GM2A: variants seen among roughly 807,000 people sequenced by gnomAD.
The protein encoded by GM2A is ganglioside GM2 activator.
Under a neutral mutation model 12.9 loss-of-function variants are expected in GM2A, and 7 were observed. The observed-to-expected ratio is 0.54, with a 90% CI of 0.31 to 1.02. GM2A has a LOEUF of 1.02. GM2A is among the 50% of genes least tolerant of loss of function. The pLI is 0.05. For missense variants in GM2A, 246 were observed against 241.0 expected (o/e 1.02, Z -0.14); for synonymous variants, 101 against 96.0 (o/e 1.05, Z -0.30).
intron 1 of GM2A, among the ~76,000 whole-genome samples, chr5:151,259,128 C>A (rs1363248071): frequency 6.6e-6 from 1 of 152,110 alleles, no homozygotes. Flanking sequence ...GGGAAGAAGA[C>A]ACTGGTTAGG....
At position 151,268,825 on chromosome 5, in the gene GM2A, G is replaced by A. The variant is rs954037942; in HGVS notation, c.*1374G>A. On this transcript the variant is annotated 3_prime_UTR_variant, in exon 4 of 4. Coordinates refer to ENST00000357164, the MANE Select transcript of GM2A (RefSeq NM_000405.5). ...TGTGTCCCAAACGGACTGGCTCATG[G>A]GTGGCCACGTCACAACCTCTGATCT... The A allele has an allele frequency of 9.2e-6, 9 of 978,684 alleles. No homozygotes were observed. The highest frequency in any genetic ancestry group is 9.7e-6 in the Non-Finnish European group (8 of 823,878). 60.6% of individuals were successfully genotyped at this position (978,684 alleles called of 1,614,324 possible).
intron 3 of GM2A, 191 bp downstream of exon 3, chr5:151,267,104 A>G: frequency 2.3e-6 from 2 of 856,398 alleles, no homozygotes; most frequent in Non-Finnish European, 1.9e-6. Flanking sequence ...TTGAACTTAG[A>G]TGTGATCTTC....
intron 2 of GM2A, among the ~76,000 whole-genome samples, chr5:151,261,729 A>G (rs935305052): frequency 2.7e-5 from 4 of 150,708 alleles, no homozygotes; most frequent in African/African-American, 9.8e-5. Flanking sequence ...ACCTGCCACC[A>G]TGCCCAGCTA....
chr5:151,257,779 C>T (rs1010225418), intron 1 of GM2A, among the ~76,000 whole-genome samples: 1 of 152,226 alleles, frequency 6.6e-6, no homozygotes, highest in Non-Finnish European at 1.5e-5. Flanking sequence ...GCCTCGGGGC[C>T]TTTGCCTGAG....
intron 3 of GM2A, 160 bp downstream of exon 3, chr5:151,267,073 T>C (rs1753901152): frequency 1.2e-6 from 1 of 846,574 alleles, no homozygotes; most frequent in South Asian, 1.4e-5. Flanking sequence ...GCCTCAGTTA[T>C]CCATCTACGA....
chr5:151,266,445 T>TA (rs1216088271), intron 2 of GM2A, among the ~76,000 whole-genome samples: 1 of 65,918 alleles, frequency 1.5e-5, no homozygotes. Flanking sequence ...TGAGCCATGA[T>TA]ACAAAAAAAA....
At chr5:151,260,174 C>T (rs989777418) in intron 2 of GM2A, among the ~76,000 whole-genome samples, 3 of 152,224 alleles carry the variant, frequency 2.0e-5, no homozygotes, top group African/African-American at 4.8e-5. Context: ...CTGGCAGAAG[C>T]GTCCTGGCCT....
At chr5:151,265,683 C>A (rs1434795831) in intron 2 of GM2A, among the ~76,000 whole-genome samples, 1 of 152,186 alleles carries the variant, frequency 6.6e-6, no homozygotes, top group African/African-American at 2.4e-5. Flanking sequence ...GGATGTCCAC[C>A]ATGAAATTTG....
chr5:151,260,419 A>G (rs153480), intron 2 of GM2A, among the ~76,000 whole-genome samples: 94,560 of 151,948 alleles, frequency 0.62, 29,732 homozygotes, highest in South Asian at 0.76. Context: ...GGAGTTTGAG[A>G]CCAGCCTGGC....
Position 151,259,735 on chromosome 5 carries a change from T to A in GM2A, c.82-20T>A. The A allele has an allele frequency of 6.2e-7, 1 of 1,611,670 alleles. No individual in the cohort carries two copies. Among genetic ancestry groups the A allele is most frequent in the Non-Finnish European group, 8.5e-7 (1 of 1,177,798 alleles). ...CAACCTTTTTCTTCTTCTCCTTCCT[T>A]GCTGCCTGATTGTCCCCAGCCATCC... is the stretch of plus-strand genomic sequence containing the variant. On this transcript the variant is annotated intron_variant, in intron 1 of 3. Transcript: ENST00000357164.
chr5:151,254,216 A>G (rs77434103), intron 1 of GM2A, among the ~76,000 whole-genome samples: 6,099 of 152,256 alleles, frequency 0.04, 269 homozygotes, highest in East Asian at 0.21. Flanking sequence ...TGCAATGAAT[A>G]TGGGAGTGCA....
At chr5:151,260,386 G>C (rs1236109580) in intron 2 of GM2A, among the ~76,000 whole-genome samples, 1 of 152,232 alleles carries the variant, frequency 6.6e-6, no homozygotes, top group African/African-American at 2.4e-5. Context: ...GGGAGGCTGA[G>C]GTGGGTGGAT....
At position 151,269,086 on chromosome 5, in the gene GM2A, G is replaced by T; in HGVS notation, c.*1635G>T. 2.1e-5 allele frequency: 21 copies of T among 985,492 alleles called. No individual in the cohort carries two copies. The highest frequency in any genetic ancestry group is 2.5e-5 in the Non-Finnish European group (21 of 829,960). 61.0% of individuals were successfully genotyped at this position (985,492 alleles called of 1,614,324 possible). ...AGCCTCACCAGCAGCTGCTTTTGGA[G>T]CAGGGGTCCAAGGAAGAGAGGGTGG... is the stretch of plus-strand genomic sequence containing the variant. On this transcript the variant is annotated 3_prime_UTR_variant, in exon 4 of 4. Coordinates refer to ENST00000357164, the MANE Select transcript of GM2A (RefSeq NM_000405.5).
intron 1 of GM2A, among the ~76,000 whole-genome samples, chr5:151,256,326 G>A (rs747965535): frequency 2.0e-5 from 3 of 152,098 alleles, no homozygotes; most frequent in African/African-American, 4.8e-5. Context: ...GCAGCAGGGC[G>A]TGGTGGTTCA....
chr5:151,253,387 C>T (rs552680787), intron 1 of GM2A, 90 bp downstream of exon 1: 2 of 873,100 alleles, frequency 2.3e-6, no homozygotes, highest in East Asian at 2.5e-5. Context: ...GGTGGCCACT[C>T]CGTTCTCTAG....
At chr5:151,254,237 C>T (rs1006074182) in intron 1 of GM2A, among the ~76,000 whole-genome samples, 33 of 152,112 alleles carry the variant, frequency 2.2e-4, no homozygotes, top group African/African-American at 7.7e-4. Context: ...GATAGCCCTT[C>T]GAAATGTTGA....
rs1753979264 is a variant in GM2A at position 151,270,072 on chromosome 5, C to T, written c.*2621C>T. On this transcript the variant is annotated 3_prime_UTR_variant, in exon 4 of 4. Transcript: ENST00000357164. ...CTCAGTTAATCTTTTTATGTCTGCT[C>T]TGCTCTTGGGTCATATGTTCCGTGA... is the stretch of plus-strand genomic sequence containing the variant. The T allele has an allele frequency of 3.3e-6, 4 of 1,230,710 alleles. No individual in the cohort carries two copies. Among genetic ancestry groups the T allele is most frequent in the Non-Finnish European group, 4.0e-6 (4 of 987,860 alleles). 76.2% of individuals were successfully genotyped at this position (1,230,710 alleles called of 1,614,324 possible). A position where few individuals can be genotyped will look rare whatever the true frequency, so the allele number is the denominator to read the frequency against.
In GM2A at chr5:151,267,382, G is replaced by A; in HGVS notation, c.513G>A (p.Glu171=). 1 of 1,614,210 alleles carries A rather than the reference G, an allele frequency of 6.2e-7. No homozygotes were observed. The highest frequency in any genetic ancestry group is 2.2e-5 in the East Asian group (1 of 44,890). The part of the protein sequence containing the change: ...SWLTTGNYRI[E]SVLSSSGKRL... The stretch of plus-strand genomic sequence containing the variant: ...TCACCACCGGGAACTACCGCATAGA[G>A]AGCGTCCTGAGCAGCAGTGGGAAGC... Residue 171 remains glutamate, a synonymous_variant, in exon 4 of 4, where the codon GAG becomes GAA. Transcript: ENST00000357164.
At chr5:151,259,642 G>T in intron 1 of GM2A, 113 bp from the exon 2 acceptor site, 1 of 871,762 alleles carries the variant, frequency 1.1e-6, no homozygotes. Flanking sequence ...TCAGGGACGG[G>T]GGTGCCTCAC....
Sources: allele counts gnomAD v4.1 joint callset (sites outside exome capture counted in the v4.1 genomes callset), GRCh38; gene constraint gnomAD v4.1.1; transcripts MANE v1.5; gene names NCBI Gene and HGNC (gene_info 2026-07-23, HGNC 2026-07-21).